Variants in ARPP21 observed in about 807,000 individuals in gnomAD.
ARPP21 encodes the protein cAMP-regulated phosphoprotein 21.
ARPP21 carries 69 observed loss-of-function variants against 113.2 expected under a neutral mutation model. The ratio of observed to expected loss-of-function variants is 0.61; its 90% CI spans 0.50 to 0.74. The LOEUF (loss-of-function observed/expected upper bound fraction) is 0.74. ARPP21 is among the 30% of genes least tolerant of loss of function. The pLI, the probability that ARPP21 is intolerant of heterozygous loss-of-function variation, is 0.00. For synonymous variants in ARPP21, 368 were observed against 375.5 expected, an observed-to-expected ratio of 0.98 and a Z score of 0.23; for missense variants, 1,070 against 1,037.4, an observed-to-expected ratio of 1.03 and a Z score of -0.43.
At chr3:35,699,291 C>G (rs116154045) in intron 9 of ARPP21, among the ~76,000 whole-genome samples, 10 of 151,578 alleles carry the variant, frequency 6.6e-5, no homozygotes, top group Admixed American at 2.6e-4. Flanking sequence ...TCTTTGCTTG[C>G]TATAGGCAGG....
chr3:35,654,932 C>T (rs910621026), intron 1 of ARPP21, among the ~76,000 whole-genome samples: 2 of 151,976 alleles, frequency 1.3e-5, no homozygotes, highest in East Asian at 1.9e-4. Context: ...ATTTTATGAC[C>T]TGAAGTAAAC....
chr3:35,721,799 C>T lies in ARPP21; in HGVS notation c.1190C>T (p.Ser397Phe). ...GTGCTGACCAGGGGTGACAGCACTT[C>T]CAGTACTAGGAGTACCGGGAAGCTG... ...ITVLTRGDST[S>F]STRSTGKLSK... The change falls in exon 14 of 21, where the codon TCC becomes TTC. Residue 397 changes from serine (S) to phenylalanine (F), a missense_variant. Ser to Phe is a radical substitution (Grantham distance 155). Coordinates refer to ENST00000684406, the MANE Select transcript of ARPP21 (RefSeq NM_001385562.1). 2.5e-6 allele frequency: 4 copies of T among 1,612,202 alleles called. No homozygotes were observed. Among genetic ancestry groups the T allele is most frequent in the Non-Finnish European group, 3.4e-6 (4 of 1,179,094 alleles).
At chr3:35,765,337 A>G (rs1487469889) in intron 19 of ARPP21, among the ~76,000 whole-genome samples, 1 of 152,108 alleles carries the variant, frequency 6.6e-6, no homozygotes, top group African/African-American at 2.4e-5. Flanking sequence ...TGTTAGAAAC[A>G]TGTCTGAGAT....
intron 11 of ARPP21, among the ~76,000 whole-genome samples, chr3:35,712,273 A>T (rs947027108): frequency 6.6e-6 from 1 of 152,184 alleles, no homozygotes; most frequent in African/African-American, 2.4e-5. Context: ...TCTTTAGTTT[A>T]GTTTCTTCAT....
At chr3:35,677,069 T>A (rs2077686490) in intron 1 of ARPP21, among the ~76,000 whole-genome samples, 1 of 151,872 alleles carries the variant, frequency 6.6e-6, no homozygotes, top group African/African-American at 2.4e-5. Flanking sequence ...AAAGTACCCA[T>A]TGCTAATTTG....
intron 19 of ARPP21, among the ~76,000 whole-genome samples, chr3:35,763,538 G>A (rs547025656): frequency 1.1e-3 from 174 of 152,190 alleles, no homozygotes; most frequent in African/African-American, 3.7e-3. Flanking sequence ...ACAATATTAT[G>A]GACAAGAGCT....
At chr3:35,688,337 C>T (rs79937169) in intron 6 of ARPP21, among the ~76,000 whole-genome samples, 1,667 of 151,624 alleles carry the variant, frequency 0.011, 29 homozygotes, top group African/African-American at 0.038. Context: ...TATATGTCAA[C>T]GGAATACATG....
At chr3:35,777,824 C>CT (rs986788137) in intron 19 of ARPP21, among the ~76,000 whole-genome samples, 23 of 151,578 alleles carry the variant, frequency 1.5e-4, no homozygotes, top group East Asian at 1.9e-4. Context: ...CATAATTTAA[C>CT]TTTTTTTTTG....
chr3:35,676,661 G>A (rs2077571021), intron 1 of ARPP21, among the ~76,000 whole-genome samples: 1 of 151,826 alleles, frequency 6.6e-6, no homozygotes, highest in African/African-American at 2.4e-5. Flanking sequence ...TGTAATTAAT[G>A]TGAAAATTTC....
At chr3:35,676,746 C>T (rs978457097) in intron 1 of ARPP21, among the ~76,000 whole-genome samples, 4 of 151,796 alleles carry the variant, frequency 2.6e-5, no homozygotes, top group African/African-American at 7.3e-5. Context: ...CTATTCATGG[C>T]GTTGTTGCTC....
Position 35,690,903 on chromosome 3 carries a change from A to G in ARPP21, c.584A>G (p.Gln195Arg), listed in dbSNP as rs1156468652. 3 of 1,610,534 alleles carry G rather than the reference A, an allele frequency of 1.9e-6. No homozygotes were observed. The highest frequency in any genetic ancestry group is 1.3e-5 in the African/African-American group (1 of 74,614). ...AAGTTCCCTCAGATGTCATCGTATC[A>G]GAGGATGCTTGTCCATCGAGTGGCA... ...YKKFPQMSSY[Q>R]RMLVHRVAAY... is the part of the protein sequence containing the mutation. Residue 195 changes from glutamine to arginine, a missense_variant, in exon 9 of 21, where the codon CAG (glutamine) becomes CGG (arginine). Coordinates refer to ENST00000684406, the MANE Select transcript of ARPP21 (RefSeq NM_001385562.1).
At chr3:35,689,409 A>G (rs1312383701) in intron 7 of ARPP21, 24 bp downstream of exon 7, 3 of 1,114,598 alleles carry the variant, frequency 2.7e-6, no homozygotes, top group Non-Finnish European at 4.1e-6. Flanking sequence ...TGAGCCTCTT[A>G]TTTTTAGAAG....
At chr3:35,690,729 A>T in intron 8 of ARPP21, 136 bp from the exon 9 acceptor site, 1 of 769,190 alleles carries the variant, frequency 1.3e-6, no homozygotes, top group Non-Finnish European at 1.9e-6. Flanking sequence ...AAATTAGGAC[A>T]TTAAGTGATG....
intron 9 of ARPP21, 115 bp downstream of exon 9, chr3:35,691,120 T>C (rs1461986169): frequency 2.7e-6 from 3 of 1,116,836 alleles, no homozygotes; most frequent in Non-Finnish European, 3.7e-6. Context: ...GTGTTATTTA[T>C]CTCTTGCTCT....
At chr3:35,776,860 G>C (rs970410999) in intron 19 of ARPP21, among the ~76,000 whole-genome samples, 1 of 152,058 alleles carries the variant, frequency 6.6e-6, no homozygotes, top group Non-Finnish European at 1.5e-5. Flanking sequence ...TTCCTGCCTG[G>C]ATATCTGCTT....
intron 1 of ARPP21, among the ~76,000 whole-genome samples, chr3:35,667,222 T>C (rs1051505891): frequency 7.2e-5 from 11 of 152,314 alleles, no homozygotes; most frequent in African/African-American, 2.6e-4. Flanking sequence ...TTGTTTTAAA[T>C]TGATACTATT....
chr3:35,762,144 A>G (rs1433402386), intron 19 of ARPP21, among the ~76,000 whole-genome samples: 1 of 151,018 alleles, frequency 6.6e-6, no homozygotes, highest in East Asian at 1.9e-4. Context: ...ACACACACAC[A>G]CACACACACA....
At chr3:35,785,676 G>A (rs1166470459) in intron 19 of ARPP21, among the ~76,000 whole-genome samples, 1 of 152,134 alleles carries the variant, frequency 6.6e-6, no homozygotes, top group African/African-American at 2.4e-5. Flanking sequence ...ATGTTCTCAG[G>A]GGACAGTAAA....
intron 9 of ARPP21, among the ~76,000 whole-genome samples, chr3:35,701,091 G>A (rs145709594): frequency 6.6e-6 from 1 of 151,574 alleles, no homozygotes; most frequent in African/African-American, 2.4e-5. Context: ...GTGATAAATC[G>A]ATCAATGGAA....
Sources: allele counts gnomAD v4.1 joint callset (sites outside exome capture counted in the v4.1 genomes callset), GRCh38; gene constraint gnomAD v4.1.1; transcripts MANE v1.5; gene names NCBI Gene and HGNC (gene_info 2026-07-23, HGNC 2026-07-21).